The following MRAS variants were observed in gnomAD, a reference collection of about 807,000 sequenced individuals.
MRAS encodes the protein muscle RAS oncogene homolog.
A neutral mutation model predicts 20.9 loss-of-function variants in MRAS; 4 were observed. The observed-to-expected ratio is 0.19, with a 90% CI of 0.09 to 0.44. MRAS has a LOEUF of 0.44. MRAS is among the 20% of genes least tolerant of loss of function. MRAS has a pLI of 0.99. For synonymous variants in MRAS, 98 were observed against 102.9 expected (o/e 0.95, Z 0.29); for missense variants, 154 against 277.5 (o/e 0.56, Z 3.16).
Position 138,360,639 on chromosome 3 carries a change from A to G in MRAS, c.-19+11872A>G, listed in dbSNP as rs1247382863. 2.0e-5 allele frequency among the ~76,000 whole-genome samples: 3 copies of G among 152,220 alleles called. No individual in the cohort carries two copies. The South Asian group carries it at 6.2e-4, about 32-fold the overall frequency. ...TGGTATGTCCTTCGTGAGGCCTGCC[A>G]CTGCAGTCCTCTAGGTCCTGTGTGG... On this transcript the variant is annotated intron_variant, in intron 1 of 5. Transcript: ENST00000423968.
chr3:138,392,383 A>G (rs1449114591), intron 2 of MRAS, among the ~76,000 whole-genome samples: 3 of 152,166 alleles, frequency 2.0e-5, no homozygotes, highest in Non-Finnish European at 4.4e-5. Context: ...AAGTATTTAA[A>G]TTTTGTTATT....
intron 1 of MRAS, among the ~76,000 whole-genome samples, chr3:138,360,599 G>A (rs1030618554): frequency 6.6e-6 from 1 of 152,194 alleles, no homozygotes; most frequent in African/African-American, 2.4e-5. Context: ...CGGGTGTCCA[G>A]TGGGACTCCT....
At chr3:138,385,488 G>GTT (rs2054992248) in intron 2 of MRAS, among the ~76,000 whole-genome samples, 1 of 149,508 alleles carries the variant, frequency 6.7e-6, no homozygotes, top group East Asian at 1.9e-4. Flanking sequence ...GTATTTTTGA[G>GTT]TTTTAAAATA....
intron 1 of MRAS, chr3:138,349,295 T>C (rs992960173): frequency 1.3e-5 from 2 of 152,238 alleles, no homozygotes; most frequent in Non-Finnish European, 2.9e-5. Context: ...GGCTCATGCA[T>C]TGAACTGATC....
intron 2 of MRAS, among the ~76,000 whole-genome samples, chr3:138,390,213 G>T (rs932375357): frequency 2.0e-5 from 3 of 152,120 alleles, no homozygotes; most frequent in Non-Finnish European, 4.4e-5. Context: ...CAGCATGTGG[G>T]GCTTGCCTTG....
intron 1 of MRAS, among the ~76,000 whole-genome samples, chr3:138,350,650 C>T (rs1433032066): frequency 1.3e-5 from 2 of 152,140 alleles, no homozygotes; most frequent in Non-Finnish European, 2.9e-5. Context: ...CTGTTTTCAC[C>T]TACATAAGAC....
chr3:138,382,877 G>A (rs1453447467), intron 2 of MRAS, among the ~76,000 whole-genome samples: 5 of 152,128 alleles, frequency 3.3e-5, no homozygotes, highest in African/African-American at 1.2e-4. Flanking sequence ...GACCAGTTTG[G>A]GCCAAGCACA....
At chr3:138,380,336 G>C (rs1454193344) in intron 2 of MRAS, among the ~76,000 whole-genome samples, 1 of 151,200 alleles carries the variant, frequency 6.6e-6, no homozygotes, top group African/African-American at 2.4e-5. Flanking sequence ...TTTCTGAAAT[G>C]AGGTCTCACT....
At chr3:138,383,297 A>C (rs1038451128) in intron 2 of MRAS, among the ~76,000 whole-genome samples, 13 of 152,140 alleles carry the variant, frequency 8.5e-5, no homozygotes, top group African/African-American at 3.1e-4. Context: ...CTATTGTTGC[A>C]GTGATTGCTT....
At chr3:138,398,062 A>G (rs1293614419) in intron 3 of MRAS, among the ~76,000 whole-genome samples, 1 of 152,210 alleles carries the variant, frequency 6.6e-6, no homozygotes, top group Non-Finnish European at 1.5e-5. Context: ...TTTTGGACAA[A>G]ATTTGGCCCA....
chr3:138,377,917 G>T (rs2054819117), intron 2 of MRAS, among the ~76,000 whole-genome samples: 1 of 152,342 alleles, frequency 6.6e-6, no homozygotes, highest in East Asian at 1.9e-4. Flanking sequence ...TGCTATCGTG[G>T]TAGTTGCTGT....
Position 138,402,566 on chromosome 3 carries a change from G to A in MRAS, c.*297G>A. Reference sequence around the variant, plus strand: ...TTCCTCCCCCTCTCTCGGTGGGTGTGTTGTTTATTGTAACTACATAGTGTT... The same window carrying A: ...TTCCTCCCCCTCTCTCGGTGGGTGTATTGTTTATTGTAACTACATAGTGTT... On this transcript the variant is annotated 3_prime_UTR_variant, in exon 6 of 6. Transcript: ENST00000423968. 3 of 360,988 alleles carry A rather than the reference G, an allele frequency of 8.3e-6. No homozygotes were observed. The East Asian group carries it at 1.4e-4, about 16-fold the overall frequency. 22.4% of individuals were successfully genotyped at this position (360,988 alleles called of 1,614,324 possible).
intron 1 of MRAS, among the ~76,000 whole-genome samples, chr3:138,353,338 TG>T (rs935953370): frequency 2.0e-5 from 3 of 152,116 alleles, no homozygotes; most frequent in African/African-American, 7.2e-5. Flanking sequence ...ATGGCCCAAA[TG>T]GGAAAGTGAG....
intron 1 of MRAS, among the ~76,000 whole-genome samples, chr3:138,350,942 C>CAAAAA (rs66738068): frequency 2.9e-5 from 2 of 68,022 alleles, no homozygotes; most frequent in African/African-American, 1.1e-4. Flanking sequence ...GACCCTGTCT[C>CAAAAA]AAAAAAAAAA....
chr3:138,400,789 C>A (rs1453083578), intron 5 of MRAS, among the ~76,000 whole-genome samples, 176 bp downstream of exon 5: 1 of 152,186 alleles, frequency 6.6e-6, no homozygotes, highest in African/African-American at 2.4e-5. Context: ...TTTCCACCTA[C>A]CTCTGCCCTC....
intron 2 of MRAS, among the ~76,000 whole-genome samples, chr3:138,394,349 T>C (rs1465374194): frequency 1.3e-5 from 2 of 152,212 alleles, no homozygotes; most frequent in African/African-American, 4.8e-5. Flanking sequence ...GCTGCTTTTA[T>C]GCCCTGGGCA....
intron 4 of MRAS, among the ~76,000 whole-genome samples, chr3:138,399,283 G>A (rs2055309009): frequency 6.6e-6 from 1 of 152,262 alleles, no homozygotes; most frequent in Non-Finnish European, 1.5e-5. Flanking sequence ...GTCAGGGATA[G>A]TGAGACCTGG....
intron 1 of MRAS, among the ~76,000 whole-genome samples, chr3:138,357,697 T>G (rs2054363759): frequency 1.3e-5 from 2 of 152,240 alleles, no homozygotes; most frequent in Admixed American, 1.3e-4. Flanking sequence ...TCCACTCCAC[T>G]TTGCCCCATG....
chr3:138,395,073 T>C (rs936477280), intron 2 of MRAS, among the ~76,000 whole-genome samples: 6 of 151,986 alleles, frequency 3.9e-5, no homozygotes, highest in African/African-American at 1.4e-4. Context: ...GGAGTTTTGC[T>C]CTTATCACCC....
Sources: gnomAD v4.1 joint callset for allele counts (sites outside exome capture counted in the v4.1 genomes callset) on GRCh38, gnomAD v4.1.1 for gene constraint, MANE v1.5 for transcripts, NCBI Gene and HGNC (gene_info 2026-07-23, HGNC 2026-07-21) for gene names.